The following KLHL32 variants were observed in gnomAD, a reference collection of about 807,000 sequenced individuals.
KLHL32 encodes kelch like family member 32.
In KLHL32, 35 loss-of-function variants were observed where a neutral mutation model predicts 64.8. The observed-to-expected ratio is 0.54, with a 90% CI of 0.41 to 0.72. The LOEUF (loss-of-function observed/expected upper bound fraction) is 0.72. KLHL32 is among the 30% of genes least tolerant of loss of function. The probability of loss-of-function intolerance (pLI) is 0.00; values close to 1 mark genes in which losing one functional copy is unlikely to be tolerated. For missense variants in KLHL32, 589 were observed against 768.5 expected (o/e 0.77, Z 2.76); for synonymous variants, 259 against 281.0 (o/e 0.92, Z 0.78).
chr6:96,971,265 G>A (rs1260606900), intron 2 of KLHL32, among the ~76,000 whole-genome samples: 5 of 151,994 alleles, frequency 3.3e-5, no homozygotes, highest in Non-Finnish European at 7.4e-5. Context: ...AGCTGTTTTC[G>A]GAATTTACAA....
intron 2 of KLHL32, among the ~76,000 whole-genome samples, chr6:96,971,132 C>T (rs752153024): frequency 4.6e-5 from 7 of 152,080 alleles, no homozygotes; most frequent in Admixed American, 6.5e-5. Context: ...GTATGTAACA[C>T]CTTATTGGTA....
chr6:96,989,697 C>T (rs1777614834), intron 3 of KLHL32, among the ~76,000 whole-genome samples: 1 of 151,922 alleles, frequency 6.6e-6, no homozygotes. Flanking sequence ...AATATGTTTT[C>T]CAAGTTGCTT....
At chr6:96,986,367 C>A (rs1777065238) in intron 3 of KLHL32, among the ~76,000 whole-genome samples, 1 of 152,204 alleles carries the variant, frequency 6.6e-6, no homozygotes, top group African/African-American at 2.4e-5. Flanking sequence ...TGTCCAACTG[C>A]ATGCTGGGAG....
At chr6:97,048,277 C>A (rs971508055) in intron 4 of KLHL32, among the ~76,000 whole-genome samples, 1 of 152,148 alleles carries the variant, frequency 6.6e-6, no homozygotes, top group Non-Finnish European at 1.5e-5. Context: ...AAGAAGGATG[C>A]CTTGGGATCT....
In KLHL32 at chr6:96,976,045, C is replaced by T; in HGVS notation, c.72C>T (p.His24=). ...AGAGGCTCTGCCACTCCGAATCTCA[C>T]AATGACAGTGTCCTGGCAGCGCTGA... The part of the protein sequence containing the change: ...TGQRLCHSES[H]NDSVLAALNQ... The change falls in exon 3 of 11, where the codon CAC becomes CAT. Residue 24 remains histidine (H), a synonymous_variant. Coordinates refer to ENST00000369261, the MANE Select transcript of KLHL32 (RefSeq NM_052904.4). 1.2e-6 allele frequency: 2 copies of T among 1,601,522 alleles called. No homozygotes were observed. The highest frequency in any genetic ancestry group is 1.7e-6 in the Non-Finnish European group (2 of 1,170,766).
At chr6:96,955,608 G>T (rs1039280684) in intron 1 of KLHL32, among the ~76,000 whole-genome samples, 1 of 152,052 alleles carries the variant, frequency 6.6e-6, no homozygotes, top group African/African-American at 2.4e-5. Flanking sequence ...TTAACTTTTG[G>T]TAAGTGTATT....
intron 6 of KLHL32, among the ~76,000 whole-genome samples, chr6:97,102,782 T>C (rs1342783632): frequency 2.0e-5 from 3 of 152,072 alleles, no homozygotes; most frequent in African/African-American, 7.2e-5. Context: ...CTGTAGGACA[T>C]TTTCGCCATT....
At chr6:97,099,679 G>T (rs1795446782) in intron 6 of KLHL32, among the ~76,000 whole-genome samples, 1 of 152,050 alleles carries the variant, frequency 6.6e-6, no homozygotes, top group Non-Finnish European at 1.5e-5. Flanking sequence ...CTGCACGCTG[G>T]GCTCTCTGGG....
At chr6:97,056,234 T>A (rs957465382) in intron 4 of KLHL32, among the ~76,000 whole-genome samples, 1 of 151,714 alleles carries the variant, frequency 6.6e-6, no homozygotes, top group African/African-American at 2.4e-5. Flanking sequence ...GCCTCCCTAG[T>A]AGCTGGGACT....
chr6:97,018,711 A>G (rs1210507871), intron 3 of KLHL32, among the ~76,000 whole-genome samples: 2 of 152,204 alleles, frequency 1.3e-5, no homozygotes, highest in Non-Finnish European at 2.9e-5. Flanking sequence ...TTAATATGCT[A>G]TAAAGTAGAA....
chr6:96,982,963 T>C (rs966949553), intron 3 of KLHL32, among the ~76,000 whole-genome samples: 1 of 152,266 alleles, frequency 6.6e-6, no homozygotes, highest in African/African-American at 2.4e-5. Context: ...TGTGCCAGTT[T>C]TCAAGGGAAT....
chr6:97,078,682 A>G, intron 5 of KLHL32, among the ~76,000 whole-genome samples: 1 of 152,208 alleles, frequency 6.6e-6, no homozygotes. Context: ...TCTCAGAACT[A>G]GATGAGACAG....
chr6:97,130,773 G>A lies in KLHL32; in HGVS notation c.1430G>A (p.Arg477His), dbSNP rs201828061. 39 of 1,612,920 alleles carry A rather than the reference G, an allele frequency of 2.4e-5. No homozygotes were observed. The highest frequency in any genetic ancestry group is 1.7e-4 in the Middle Eastern group (1 of 6,046). Residue 477 changes from arginine to histidine, a missense_variant, in exon 9 of 11, where the codon CGT becomes CAT. This residue lies in a region of KLHL32 where 172 missense variants were observed against 192.0 expected (regional missense o/e 0.90). Transcript: ENST00000369261. ...YEPNQNKWIS[R>H]SPMLQRRVYH... ...TTTTTTCAGAATAAGTGGATAAGCC[G>A]TAGCCCCATGCTGCAGAGAAGGGTC...
In KLHL32 at chr6:97,127,476, A is replaced by G. The variant is rs371107569; in HGVS notation, c.1413+14A>G. Reference sequence around the variant, plus strand: ...GAACCTAACCAGGTAAGAATCATGTAAGAACACCTCATTATCTTAATTAAT... The same window carrying G: ...GAACCTAACCAGGTAAGAATCATGTGAGAACACCTCATTATCTTAATTAAT... On this transcript the variant is annotated intron_variant, in intron 8 of 10. Transcript: ENST00000369261. 8 of 1,596,046 alleles carry G rather than the reference A, an allele frequency of 5.0e-6. No individual in the cohort carries two copies. Among genetic ancestry groups the G allele is most frequent in the South Asian group, 1.1e-5 (1 of 90,112 alleles).
At chr6:96,914,327 C>T in the KLHL32 span, among the ~76,000 whole-genome samples, 1 of 151,936 alleles carries the variant, frequency 6.6e-6, no homozygotes, top group Non-Finnish European at 1.5e-5. Context: ...GAAACTAATA[C>T]CAAAAATCCT....
chr6:97,129,061 T>C (rs2128220777), intron 8 of KLHL32, among the ~76,000 whole-genome samples: 1 of 152,332 alleles, frequency 6.6e-6, no homozygotes, highest in African/African-American at 2.4e-5. Flanking sequence ...AAGAAGACAT[T>C]TGATTGGAAG....
intron 1 of KLHL32, among the ~76,000 whole-genome samples, chr6:96,944,769 A>T (rs149521523): frequency 6.6e-6 from 1 of 152,220 alleles, no homozygotes; most frequent in African/African-American, 2.4e-5. Flanking sequence ...AAATCTGTGA[A>T]GTGACAGTAA....
At chr6:96,919,164 T>C in the KLHL32 span, among the ~76,000 whole-genome samples, 1 of 152,216 alleles carries the variant, frequency 6.6e-6, no homozygotes, top group Non-Finnish European at 1.5e-5. Context: ...AGCTTGCATA[T>C]TCAGGTTTTC....
intron 3 of KLHL32, among the ~76,000 whole-genome samples, chr6:96,990,008 GGATTCCT>G (rs1333938706): frequency 2.4e-4 from 36 of 152,152 alleles, no homozygotes; most frequent in African/African-American, 8.4e-4. Context: ...TGTAATCCTT[GGATTCCT>G]TGGATTGGGT....
Sources: allele counts gnomAD v4.1 joint callset (sites outside exome capture counted in the v4.1 genomes callset), GRCh38; gene constraint gnomAD v4.1.1; regional missense constraint gnomAD v4.1.1; transcripts MANE v1.5; gene names NCBI Gene and HGNC (gene_info 2026-07-23, HGNC 2026-07-21).